The following DLGAP2 variants were observed in gnomAD, a reference collection of about 807,000 sequenced individuals.
DLGAP2 encodes disks large-associated protein 2.
Under a neutral mutation model 100.3 loss-of-function variants are expected in DLGAP2, and 26 were observed. The observed-to-expected ratio is 0.26, with a 90% CI of 0.19 to 0.36. The LOEUF (loss-of-function observed/expected upper bound fraction) is 0.36. Among genes scored for constraint, DLGAP2 ranks in the 10% least tolerant of loss-of-function variants. The probability of loss-of-function intolerance (pLI) is 1.00; values close to 1 mark genes in which losing one functional copy is unlikely to be tolerated. For missense variants in DLGAP2, 1,858 were observed against 1,453.2 expected (o/e 1.28, Z -4.53); for synonymous variants, 886 against 630.1 (o/e 1.41, Z -6.08).
At chr8:1,031,804 T>C (rs1801981866) in intron 2 of DLGAP2, among the ~76,000 whole-genome samples, 2 of 152,246 alleles carry the variant, frequency 1.3e-5, no homozygotes, top group South Asian at 4.1e-4. Context: ...ATAAAAATCA[T>C]TATGATTCTT....
Position 1,179,560 on chromosome 8 carries a change from C to G in DLGAP2, c.74-79291C>G, listed in dbSNP as rs572254289. The stretch of plus-strand genomic sequence containing the variant: ...TCTCCAAGTTTCCTTTTACTCAAGA[C>G]GGTGGAATTAATTTGGCACTGTGTA... On this transcript the variant is annotated intron_variant, in intron 2 of 14. Coordinates refer to ENST00000637795, the MANE Select transcript of DLGAP2 (RefSeq NM_001346810.2). Among the ~76,000 whole-genome samples the G allele has an allele frequency of 3.3e-5, 5 of 152,362 alleles. No individual in the cohort carries two copies. The South Asian group carries it at 1.0e-3, about 32-fold the overall frequency.
chr8:949,844 C>A (rs748352964), intron 2 of DLGAP2, among the ~76,000 whole-genome samples: 1 of 152,052 alleles, frequency 6.6e-6, no homozygotes, highest in African/African-American at 2.4e-5. Context: ...CCACAGTGAC[C>A]CTTTGGTCTA....
chr8:1,264,339 T>C (rs1401579279), intron 3 of DLGAP2, among the ~76,000 whole-genome samples: 1 of 152,070 alleles, frequency 6.6e-6, no homozygotes, highest in Non-Finnish European at 1.5e-5. Flanking sequence ...AACACTGTAA[T>C]TGAGCCCCTT....
chr8:856,437 C>T (rs532770304), intron 1 of DLGAP2, among the ~76,000 whole-genome samples: 1 of 152,208 alleles, frequency 6.6e-6, no homozygotes, highest in East Asian at 1.9e-4. Context: ...ATCTGCCCAC[C>T]TCGGCCTCCC....
chr8:1,091,872 G>C (rs967077403), intron 2 of DLGAP2, among the ~76,000 whole-genome samples: 2 of 151,042 alleles, frequency 1.3e-5, no homozygotes, highest in Admixed American at 1.3e-4. Context: ...TCTTTCGCTC[G>C]TTCTGCTTTT....
intron 4 of DLGAP2, among the ~76,000 whole-genome samples, chr8:1,526,353 C>T (rs571990825): frequency 6.6e-6 from 1 of 151,956 alleles, no homozygotes; most frequent in African/African-American, 2.4e-5. Context: ...GAGTCTCCCC[C>T]ACTCACAGGG....
At chr8:1,290,220 A>G (rs1469367819) in intron 3 of DLGAP2, among the ~76,000 whole-genome samples, 2 of 152,240 alleles carry the variant, frequency 1.3e-5, no homozygotes, top group African/African-American at 4.8e-5. Flanking sequence ...GAAGACAGGG[A>G]GTTAGCAAAG....
intron 2 of DLGAP2, among the ~76,000 whole-genome samples, chr8:1,247,345 A>C (rs1430481835): frequency 1.1e-4 from 16 of 143,552 alleles, no homozygotes; most frequent in African/African-American, 4.0e-4. Flanking sequence ...GGTGGCCAGC[A>C]AGACCTTTGA....
chr8:1,039,449 G>C (rs1006103867), intron 2 of DLGAP2, among the ~76,000 whole-genome samples: 2 of 147,922 alleles, frequency 1.4e-5, no homozygotes, highest in African/African-American at 5.0e-5. Context: ...GGTGTGTGTG[G>C]TTGGCTCGGT....
At chr8:1,029,907 A>T (rs950567147) in intron 2 of DLGAP2, among the ~76,000 whole-genome samples, 5 of 152,114 alleles carry the variant, frequency 3.3e-5, no homozygotes, top group African/African-American at 4.8e-5. Flanking sequence ...AGACACAAAC[A>T]TGTGGGCAAT....
At chr8:946,720 G>C (rs577898466) in intron 2 of DLGAP2, among the ~76,000 whole-genome samples, 1 of 152,314 alleles carries the variant, frequency 6.6e-6, no homozygotes, top group Admixed American at 6.5e-5. Context: ...TTATCACTCT[G>C]AGTGTCAGGA....
chr8:1,146,936 C>T (rs1301761912), intron 2 of DLGAP2, among the ~76,000 whole-genome samples: 2 of 152,208 alleles, frequency 1.3e-5, no homozygotes, highest in South Asian at 4.1e-4. Context: ...TCTTTTCTTC[C>T]AATAAATTTC....
intron 8 of DLGAP2, among the ~76,000 whole-genome samples, chr8:1,667,560 A>G (rs1360748507): frequency 6.6e-6 from 1 of 152,230 alleles, no homozygotes; most frequent in Non-Finnish European, 1.5e-5. Context: ...TTTCTCCGTT[A>G]CAGAAACAGT....
intron 2 of DLGAP2, among the ~76,000 whole-genome samples, chr8:1,225,835 A>G (rs1798402947): frequency 2.0e-5 from 3 of 152,234 alleles, no homozygotes; most frequent in Admixed American, 1.3e-4. Flanking sequence ...ATTGCTAAGG[A>G]GTAAATTTTC....
At chr8:1,618,588 C>G in intron 6 of DLGAP2, among the ~76,000 whole-genome samples, 1 of 152,126 alleles carries the variant, frequency 6.6e-6, no homozygotes, top group East Asian at 1.9e-4. Context: ...CTAGAAGTGC[C>G]AAGACAGTCT....
chr8:1,320,053 G>T (rs1234212597), intron 3 of DLGAP2, among the ~76,000 whole-genome samples: 1 of 152,122 alleles, frequency 6.6e-6, no homozygotes, highest in Admixed American at 6.5e-5. Flanking sequence ...TGGGCCCAGG[G>T]AGTTGAGGAA....
At chr8:1,693,784 C>T (rs1054463044) in intron 13 of DLGAP2, among the ~76,000 whole-genome samples, 6 of 152,218 alleles carry the variant, frequency 3.9e-5, no homozygotes, top group Admixed American at 2.0e-4. Context: ...TTATAATCAT[C>T]ATTTAAAAGA....
At chr8:895,484 G>A (rs1798127458) in intron 1 of DLGAP2, among the ~76,000 whole-genome samples, 1 of 152,172 alleles carries the variant, frequency 6.6e-6, no homozygotes, top group South Asian at 2.1e-4. Flanking sequence ...GAGACCACAC[G>A]CTTGGCGCTG....
chr8:1,463,353 C>A (rs75250804), intron 3 of DLGAP2, among the ~76,000 whole-genome samples: 1 of 152,350 alleles, frequency 6.6e-6, no homozygotes, highest in South Asian at 2.1e-4. Context: ...AACTGCGTTA[C>A]GTGTGTCATA....
Sources: gnomAD v4.1 joint callset for allele counts (sites outside exome capture counted in the v4.1 genomes callset) on GRCh38, gnomAD v4.1.1 for gene constraint, MANE v1.5 for transcripts, NCBI Gene and HGNC (gene_info 2026-07-23, HGNC 2026-07-21) for gene names.